Variants in ZNF486 observed in about 807,000 individuals in gnomAD.
ZNF486 encodes KRAB box only protein 2.
In ZNF486, 12 loss-of-function variants were observed where a neutral mutation model predicts 12.8. The observed-to-expected ratio is 0.94, with a 90% confidence interval of 0.60 to 1.52. ZNF486 has a LOEUF of 1.52. Among genes scored for constraint, ZNF486 ranks in the 40% most tolerant of loss-of-function variants. The pLI is 0.00. For synonymous variants in ZNF486, 231 were observed against 184.9 expected (o/e 1.25, Z -2.02); for missense variants, 738 against 545.0 (o/e 1.35, Z -3.53).
At chr19:20,184,023 CT>C (rs1350000151) in intron 1 of ZNF486, among the ~76,000 whole-genome samples, 1 of 152,090 alleles carries the variant, frequency 6.6e-6, no homozygotes, top group Admixed American at 6.6e-5. Context: ...CTCAACATGT[CT>C]TTTCTGTCTG....
At chr19:20,173,609 T>A (rs1310195438) in intron 1 of ZNF486, among the ~76,000 whole-genome samples, 2 of 152,188 alleles carry the variant, frequency 1.3e-5, no homozygotes, top group South Asian at 2.1e-4. Flanking sequence ...GGTGGGTGGA[T>A]CACGAGGTCA....
At chr19:20,194,719 ACT>A (rs1238078728) in intron 3 of ZNF486, among the ~76,000 whole-genome samples, 1 of 151,622 alleles carries the variant, frequency 6.6e-6, no homozygotes, top group Non-Finnish European at 1.5e-5. Context: ...CAAGATTGAA[ACT>A]CTGTCTAAAA....
At chr19:20,167,763 C>T (rs988944990) in intron 1 of ZNF486, among the ~76,000 whole-genome samples, 4 of 152,112 alleles carry the variant, frequency 2.6e-5, no homozygotes, top group Non-Finnish European at 5.9e-5. Flanking sequence ...ATTTATGGGG[C>T]CGGGCGCGGT....
chr19:20,187,755 G>T lies in ZNF486; in HGVS notation c.253+1673G>T, dbSNP rs111745117. Reference sequence around the variant, plus strand: ...CCTGACCTCGTGATCCATCCGCCTCGGCCTCCCAAAGTGCTGGGATTACAG... The same window carrying T: ...CCTGACCTCGTGATCCATCCGCCTCTGCCTCCCAAAGTGCTGGGATTACAG... On this transcript the variant is annotated intron_variant, in intron 3 of 3. Transcript: ENST00000335117. Among the ~76,000 whole-genome samples, 1,007 of 151,866 alleles carry T rather than the reference G, an allele frequency of 6.6e-3. 12 individuals are homozygous for T. Among genetic ancestry groups the T allele is most frequent in the African/African-American group, 0.022 (927 of 41,356 alleles).
intron 1 of ZNF486, 54 bp from the exon 2 acceptor site, chr19:20,184,302 A>G: frequency 6.2e-7 from 1 of 1,605,032 alleles, no homozygotes. Context: ...CCTTAAATTA[A>G]AAATTCCACC....
rs868966555 is a variant in ZNF486 at position 20,197,796 on chromosome 19, C to A, written c.1086C>A (p.Ser362=). 6.2e-7 allele frequency: 1 copy of A among 1,613,782 alleles called. No individual in the cohort carries two copies. Among genetic ancestry groups the A allele is most frequent in the East Asian group, 2.2e-5 (1 of 44,874 alleles). Residue 362 remains serine, a synonymous_variant, in exon 4 of 4, where the codon TCC becomes TCA. Coordinates refer to ENST00000335117, the MANE Select transcript of ZNF486 (RefSeq NM_052852.4). ...CEECGKAFTR[S]SHLTMHKIIH... ...AATGTGGCAAAGCCTTCACCCGCTCCTCACACCTTACTATGCATAAGATAA... is the reference window on the plus strand; with the variant it reads ...AATGTGGCAAAGCCTTCACCCGCTCATCACACCTTACTATGCATAAGATAA...
intron 1 of ZNF486, among the ~76,000 whole-genome samples, chr19:20,183,580 G>A (rs1176672848): frequency 6.6e-6 from 1 of 152,084 alleles, no homozygotes; most frequent in Non-Finnish European, 1.5e-5. Context: ...GTGTTCTTCT[G>A]TGTGAATTAG....
chr19:20,198,920 C>G lies in ZNF486; in HGVS notation c.*818C>G, dbSNP rs782656849. ...ACAGTGCTTTTCCCAACACCTCCAA[C>G]TTTTCTATGCATAAAAAAAATTATA... On this transcript the variant is annotated 3_prime_UTR_variant, in exon 4 of 4. Coordinates refer to ENST00000335117, the MANE Select transcript of ZNF486 (RefSeq NM_052852.4). 6.6e-6 allele frequency: 1 copy of G among 151,000 alleles called. No individual in the cohort carries two copies. The highest frequency in any genetic ancestry group is 1.5e-5 in the Non-Finnish European group (1 of 68,030). The allele number at this position is 151,000 out of a possible 1,614,324, so 9.4% of individuals were successfully genotyped here.
rs935145532 is a variant in ZNF486, at chr19:20,171,186, A to G, written c.30+3826A>G. 2.0e-5 allele frequency among the ~76,000 whole-genome samples: 3 copies of G among 152,194 alleles called. No individual in the cohort carries two copies. The South Asian group carries it at 6.2e-4, about 31-fold the overall frequency. On this transcript the variant is annotated intron_variant, in intron 1 of 3. Transcript: ENST00000335117. ...AGATATCACAGAGGCCTGGCCTGGA[A>G]CAAAACTCTGGGTGTTTGGGATTGG...
intron 2 of ZNF486, 65 bp from the exon 3 acceptor site, chr19:20,185,922 C>A: frequency 1.0e-6 from 1 of 966,918 alleles, no homozygotes; most frequent in Non-Finnish European, 1.4e-6. Flanking sequence ...TTCTGCTGAG[C>A]ACATTACTAG....
chr19:20,181,048 A>G (rs1232374957), intron 1 of ZNF486, among the ~76,000 whole-genome samples: 1 of 152,090 alleles, frequency 6.6e-6, no homozygotes, highest in African/African-American at 2.4e-5. Context: ...TGGCATAGAG[A>G]ACAGAATTCT....
chr19:20,174,714 A>G (rs1397228628), intron 1 of ZNF486, among the ~76,000 whole-genome samples: 2 of 152,224 alleles, frequency 1.3e-5, no homozygotes, highest in Non-Finnish European at 2.9e-5. Flanking sequence ...ATATAAAGCC[A>G]CAATACTTAC....
At chr19:20,186,578 A>T (rs924759027) in intron 3 of ZNF486, among the ~76,000 whole-genome samples, 2 of 151,990 alleles carry the variant, frequency 1.3e-5, no homozygotes, top group African/African-American at 2.4e-5. Flanking sequence ...TATAAGTATG[A>T]TATCCTTCTG....
At chr19:20,178,174 C>T (rs537425978) in intron 1 of ZNF486, among the ~76,000 whole-genome samples, 87 of 152,108 alleles carry the variant, frequency 5.7e-4, no homozygotes, top group East Asian at 1.4e-3. Flanking sequence ...GTGATCCACC[C>T]GCCTAGGCCT....
Position 20,197,760 on chromosome 19 carries a change from C to T in ZNF486, c.1050C>T (p.Tyr350=), listed in dbSNP as rs2089975121. Residue 350 remains tyrosine (Y), a synonymous_variant, in exon 4 of 4, where the codon TAC becomes TAT. Coordinates refer to ENST00000335117, the MANE Select transcript of ZNF486 (RefSeq NM_052852.4). ...HEKIHTGEKP[Y]KCEECGKAFT... Reference sequence around the variant, plus strand: ...AGATTCATACGGGAGAGAAACCCTACAAATGTGAAGAATGTGGCAAAGCCT... The same window carrying T: ...AGATTCATACGGGAGAGAAACCCTATAAATGTGAAGAATGTGGCAAAGCCT... The T allele has an allele frequency of 6.2e-7, 1 of 1,613,770 alleles. No individual in the cohort carries two copies. The highest frequency in any genetic ancestry group is 8.5e-7 in the Non-Finnish European group (1 of 1,179,926).
chr19:20,181,604 G>A (rs1236193732), intron 1 of ZNF486, among the ~76,000 whole-genome samples: 1 of 150,830 alleles, frequency 6.6e-6, no homozygotes, highest in Non-Finnish European at 1.5e-5. Flanking sequence ...TAAATTTTCT[G>A]TTAAAGCCAG....
chr19:20,193,235 A>G (rs879994087), intron 3 of ZNF486, among the ~76,000 whole-genome samples: 9 of 151,772 alleles, frequency 5.9e-5, no homozygotes, highest in Non-Finnish European at 8.8e-5. Context: ...ATCTATTAAC[A>G]TTTATGCAGA....
chr19:20,182,693 A>G (rs2089799777), intron 1 of ZNF486, among the ~76,000 whole-genome samples: 1 of 152,002 alleles, frequency 6.6e-6, no homozygotes, highest in Non-Finnish European at 1.5e-5. Flanking sequence ...AGAAACTTAT[A>G]TTTCTATCTT....
rs2089592301 is a variant in ZNF486, at chr19:20,167,223, T to C, written c.-108T>C. ...GTTTGGCGCGGCCTTTGTCTCTCGCTGCATCTGGAGCTCTAGGTCGCCTCT... is the reference window on the plus strand; with the variant it reads ...GTTTGGCGCGGCCTTTGTCTCTCGCCGCATCTGGAGCTCTAGGTCGCCTCT... On this transcript the variant is annotated 5_prime_UTR_variant, in exon 1 of 4. Transcript: ENST00000335117. 2 of 1,398,702 alleles carry C rather than the reference T, an allele frequency of 1.4e-6. No individual in the cohort carries two copies. The highest frequency in any genetic ancestry group is 4.6e-5 in the East Asian group (2 of 43,650). The allele number at this position is 1,398,702 out of a possible 1,614,324, so 86.6% of individuals were successfully genotyped here.
Sources: gnomAD v4.1 joint callset for allele counts (sites outside exome capture counted in the v4.1 genomes callset) on GRCh38, gnomAD v4.1.1 for gene constraint, MANE v1.5 for transcripts, NCBI Gene and HGNC (gene_info 2026-07-23, HGNC 2026-07-21) for gene names.